MSANTD3: variants seen among roughly 807,000 people sequenced by gnomAD.
The protein encoded by MSANTD3 is Myb/SANT DNA binding domain containing 3.
A neutral mutation model predicts 27.7 loss-of-function variants in MSANTD3; 11 were observed. The ratio of observed to expected loss-of-function variants is 0.40; its 90% CI spans 0.25 to 0.66. The LOEUF is 0.66. MSANTD3 is among the 30% of genes least tolerant of loss of function. The pLI is 0.41. For missense variants in MSANTD3, 250 were observed against 336.5 expected (o/e 0.74, Z 2.01); for synonymous variants, 131 against 127.2 (o/e 1.03, Z -0.20).
intron 1 of MSANTD3, among the ~76,000 whole-genome samples, chr9:100,427,993 A>T (rs1836283256): frequency 1.3e-5 from 2 of 152,152 alleles, no homozygotes; most frequent in African/African-American, 4.8e-5. Flanking sequence ...ATTGTGAAAG[A>T]TAATGTATGT....
rs193278976 is a variant in MSANTD3 at position 100,430,469 on chromosome 9, A to G, written c.-34+3076A>G. Among the ~76,000 whole-genome samples the G allele has an allele frequency of 2.4e-3, 359 of 152,262 alleles. 3 individuals carry two copies. The highest frequency in any genetic ancestry group is 8.2e-3 in the African/African-American group (339 of 41,552). ...AGAATGAGGGGCTGGTGGGGGTGCTATAATCAGGACCAGATCCGGAAAGGC... is the reference window on the plus strand; with the variant it reads ...AGAATGAGGGGCTGGTGGGGGTGCTGTAATCAGGACCAGATCCGGAAAGGC... On this transcript the variant is annotated intron_variant, in intron 1 of 2. Transcript: ENST00000395067.
chr9:100,445,222 A>C, intron 2 of MSANTD3: 1 of 1,605,770 alleles, frequency 6.2e-7, no homozygotes, highest in South Asian at 1.1e-5. Flanking sequence ...CCTTTCTGGG[A>C]CTTGGTAGGA....
chr9:100,442,204 G>A lies in MSANTD3; in HGVS notation c.266G>A (p.Arg89Lys), dbSNP rs753607917. ...ARTKKIMAHE[R>K]REKVKRSVSP... ...ACCAAAAAAATTATGGCCCATGAAA[G>A]GAGAGAGAAAGTGAAACGGAGCGTC... is the stretch of plus-strand genomic sequence containing the variant. The change falls in exon 2 of 3, where the codon AGG (arginine) becomes AAG (lysine). Residue 89 changes from arginine (R) to lysine (K), a missense_variant. Transcript: ENST00000395067. 1.2e-6 allele frequency: 2 copies of A among 1,613,954 alleles called. No homozygotes were observed. The highest frequency in any genetic ancestry group is 1.3e-5 in the African/African-American group (1 of 74,902).
At chr9:100,440,931 CTTTTTTTT>C (rs754540059) in intron 1 of MSANTD3, among the ~76,000 whole-genome samples, 1 of 98,354 alleles carries the variant, frequency 1.0e-5, no homozygotes, top group Middle Eastern at 8.2e-3. Context: ...GGCTGTACAT[CTTTTTTTT>C]TTTTTTTTTT....
intron 2 of MSANTD3, among the ~76,000 whole-genome samples, chr9:100,442,689 G>A (rs1438038628): frequency 6.6e-6 from 1 of 151,378 alleles, no homozygotes; most frequent in Non-Finnish European, 1.5e-5. Flanking sequence ...TGCACCTGTA[G>A]TTCCAGCTAC....
intron 1 of MSANTD3, among the ~76,000 whole-genome samples, chr9:100,436,304 A>G (rs1345756624): frequency 1.3e-5 from 2 of 152,106 alleles, no homozygotes; most frequent in African/African-American, 4.8e-5. Flanking sequence ...ACACCACCAT[A>G]CCCAGCTAAT....
chr9:100,449,311 A>G (rs1836828342), intron 2 of MSANTD3: 5 of 925,118 alleles, frequency 5.4e-6, no homozygotes, highest in Non-Finnish European at 6.5e-6. Context: ...TTCCCTTTAT[A>G]TTCAAGGGTT....
intron 2 of MSANTD3, among the ~76,000 whole-genome samples, chr9:100,443,677 G>C (rs533222140): frequency 6.6e-6 from 1 of 152,346 alleles, no homozygotes; most frequent in East Asian, 1.9e-4. Flanking sequence ...CAATGATAGT[G>C]TGTCATAGCT....
Position 100,450,789 on chromosome 9 carries a change from G to A in MSANTD3, c.651G>A (p.Glu217=). The change falls in exon 3 of 3, where the codon GAG becomes GAA. Residue 217 remains glutamate, a synonymous_variant. Transcript: ENST00000395067. ...ILQLQLIQMN[E]VHVAKIQQIE... is the part of the protein sequence containing the mutation. ...AACTGCAACTGATACAAATGAATGA[G>A]GTGCATGTGGCCAAAATCCAGCAGA... The A allele has an allele frequency of 6.2e-7, 1 of 1,614,096 alleles. No homozygotes were observed. Among genetic ancestry groups the A allele is most frequent in the African/African-American group, 1.3e-5 (1 of 75,046 alleles).
chr9:100,430,825 T>C (rs78610555), intron 1 of MSANTD3, among the ~76,000 whole-genome samples: 3,017 of 152,180 alleles, frequency 0.02, 101 homozygotes, highest in African/African-American at 0.069. Flanking sequence ...GATTTTGGTG[T>C]ATGGGGAATA....
intron 1 of MSANTD3, among the ~76,000 whole-genome samples, chr9:100,431,310 T>A (rs1836372531): frequency 6.6e-6 from 1 of 150,688 alleles, no homozygotes; most frequent in Non-Finnish European, 1.5e-5. Context: ...CCTTTTTTTT[T>A]TTTTTTTTTT....
chr9:100,443,638 A>G (rs192755377), intron 2 of MSANTD3, among the ~76,000 whole-genome samples: 1,898 of 152,196 alleles, frequency 0.012, 20 homozygotes, highest in Non-Finnish European at 0.022. Flanking sequence ...ATTCTTGGGG[A>G]AAAAAACACT....
Position 100,438,427 on chromosome 9 carries a change from AGTGT to A in MSANTD3, c.-33-3464_-33-3461del, listed in dbSNP as rs139680729. Among the ~76,000 whole-genome samples, 5 of 151,266 alleles carry A rather than the reference AGTGT, an allele frequency of 3.3e-5. No homozygotes were observed. The East Asian group carries it at 5.8e-4, about 18-fold the overall frequency. On this transcript the variant is annotated intron_variant, in intron 1 of 2. Transcript: ENST00000395067. ...ATAGAAAAAAGAGATTTATTTAGAAAGTGTGTGTGTGTGTGTGTACACACACATA... is the reference window on the plus strand; with the variant it reads ...ATAGAAAAAAGAGATTTATTTAGAAAGTGTGTGTGTGTGTACACACACATA...
At chr9:100,447,351 C>T (rs1836779780) in intron 2 of MSANTD3, among the ~76,000 whole-genome samples, 1 of 148,664 alleles carries the variant, frequency 6.7e-6, no homozygotes, top group African/African-American at 2.5e-5. Flanking sequence ...CTGCCAGAGT[C>T]TTCTTAAGAG....
chr9:100,448,386 G>A, intron 2 of MSANTD3: 1 of 985,238 alleles, frequency 1.0e-6, no homozygotes, highest in Non-Finnish European at 1.2e-6. Flanking sequence ...GACATTTTCA[G>A]ATCCAAAACT....
intron 1 of MSANTD3, among the ~76,000 whole-genome samples, chr9:100,436,426 G>T (rs1836479224): frequency 6.6e-6 from 1 of 152,154 alleles, no homozygotes; most frequent in Non-Finnish European, 1.5e-5. Flanking sequence ...CGCCTACTTT[G>T]TGAGGGTCAC....
chr9:100,439,065 G>A (rs1455380240), intron 1 of MSANTD3, among the ~76,000 whole-genome samples: 1 of 152,178 alleles, frequency 6.6e-6, no homozygotes, highest in African/African-American at 2.4e-5. Context: ...GTAGAGCAGG[G>A]TACCTGGTAT....
chr9:100,427,431 G>C (rs889207687), intron 1 of MSANTD3, 38 bp downstream of exon 1: 1 of 149,324 alleles, frequency 6.7e-6, no homozygotes, highest in Admixed American at 6.7e-5. Context: ...GCAGCCGGGC[G>C]GGGGCGGGGG....
intron 2 of MSANTD3, chr9:100,449,274 G>A (rs769170514): frequency 3.1e-5 from 31 of 984,454 alleles, no homozygotes; most frequent in Non-Finnish European, 3.3e-5. Context: ...CCTACCAAAC[G>A]TGGTATCCTT....
Sources: allele counts gnomAD v4.1 joint callset (sites outside exome capture counted in the v4.1 genomes callset), GRCh38; gene constraint gnomAD v4.1.1; transcripts MANE v1.5; gene names NCBI Gene and HGNC (gene_info 2026-07-23, HGNC 2026-07-21).